CAMK1D: variants seen among roughly 807,000 people sequenced by gnomAD.
CAMK1D encodes calcium/calmodulin dependent protein kinase ID.
In CAMK1D, 9 loss-of-function variants were observed where a neutral mutation model predicts 47.7. That is an observed-to-expected ratio of 0.19 (90% CI 0.11 to 0.33). The LOEUF (loss-of-function observed/expected upper bound fraction) is 0.33, where lower values mean the gene tolerates loss of function less well. Ranked by LOEUF, CAMK1D falls within the 10% of genes least tolerant of loss-of-function variation. The pLI is 1.00. For missense variants in CAMK1D, 291 were observed against 488.7 expected, an observed-to-expected ratio of 0.60 and a Z score of 3.81; for synonymous variants, 184 against 184.9, an observed-to-expected ratio of 0.99 and a Z score of 0.04.
chr10:12,695,983 C>T (rs1833279086), intron 3 of CAMK1D, among the ~76,000 whole-genome samples: 1 of 151,928 alleles, frequency 6.6e-6, no homozygotes, highest in Non-Finnish European at 1.5e-5. Flanking sequence ...GAGGCTGAGG[C>T]AGGAGAATCG....
At chr10:12,370,174 TCCTGTTG>T (rs1475665433) in intron 1 of CAMK1D, among the ~76,000 whole-genome samples, 3 of 152,112 alleles carry the variant, frequency 2.0e-5, no homozygotes, top group Non-Finnish European at 4.4e-5. Flanking sequence ...GCGGAAGCAT[TCCTGTTG>T]CCTCGTTGTC....
intron 1 of CAMK1D, among the ~76,000 whole-genome samples, chr10:12,534,198 C>G (rs554958294): frequency 2.2e-4 from 33 of 152,280 alleles, no homozygotes; most frequent in African/African-American, 6.3e-4. Context: ...GTCTATCTAT[C>G]TATCTGTCTA....
At chr10:12,787,985 A>T (rs1837808076) in intron 5 of CAMK1D, among the ~76,000 whole-genome samples, 1 of 152,160 alleles carries the variant, frequency 6.6e-6, no homozygotes, top group South Asian at 2.1e-4. Flanking sequence ...CAAAAAAAAA[A>T]TTATGTTTTG....
chr10:12,589,957 C>G (rs981920620), intron 2 of CAMK1D, among the ~76,000 whole-genome samples: 2 of 152,098 alleles, frequency 1.3e-5, no homozygotes, highest in African/African-American at 4.8e-5. Context: ...ACCTCAGAGC[C>G]AAGGGGAAAG....
chr10:12,635,475 C>T (rs1457817105), intron 2 of CAMK1D, among the ~76,000 whole-genome samples: 8 of 152,100 alleles, frequency 5.3e-5, no homozygotes, highest in South Asian at 4.1e-4. Flanking sequence ...CCTAAGCCCA[C>T]GGCGCAGTGC....
chr10:12,425,571 C>T (rs918261542), intron 1 of CAMK1D, among the ~76,000 whole-genome samples: 1 of 152,146 alleles, frequency 6.6e-6, no homozygotes, highest in African/African-American at 2.4e-5. Flanking sequence ...CGTGAGCCAC[C>T]GCCCTCAGCC....
chr10:12,712,428 C>T (rs780812743), intron 3 of CAMK1D, among the ~76,000 whole-genome samples: 14 of 152,184 alleles, frequency 9.2e-5, no homozygotes, highest in Non-Finnish European at 1.5e-4. Context: ...TACAACAGAA[C>T]GCTGTAGACT....
chr10:12,623,041 T>C (rs1839047018), intron 2 of CAMK1D, among the ~76,000 whole-genome samples: 1 of 103,826 alleles, frequency 9.6e-6, no homozygotes, highest in Non-Finnish European at 1.9e-5. Flanking sequence ...CCCTTCGCCC[T>C]TCCCTCCCTC....
chr10:12,813,112 A>G (rs1343933156), intron 6 of CAMK1D, among the ~76,000 whole-genome samples: 2 of 152,224 alleles, frequency 1.3e-5, no homozygotes, highest in South Asian at 2.1e-4. Flanking sequence ...ACTCTAAATT[A>G]TAAGTCACTT....
intron 2 of CAMK1D, among the ~76,000 whole-genome samples, chr10:12,587,061 G>A (rs1415077961): frequency 1.3e-5 from 2 of 152,230 alleles, no homozygotes; most frequent in South Asian, 2.1e-4. Flanking sequence ...CCCATTAGCG[G>A]TTTTGACTTA....
At chr10:12,547,680 T>TCCA (rs1162700028) in intron 1 of CAMK1D, among the ~76,000 whole-genome samples, 1 of 40,224 alleles carries the variant, frequency 2.5e-5, no homozygotes, top group Non-Finnish European at 5.9e-5. Context: ...TCTTTCTCTC[T>TCCA]CTCACACACA....
chr10:12,623,971 C>T (rs537830700), intron 2 of CAMK1D, among the ~76,000 whole-genome samples: 20 of 152,074 alleles, frequency 1.3e-4, no homozygotes, highest in African/African-American at 3.1e-4. Flanking sequence ...CCCAGCTATT[C>T]GGGAGGCTGA....
At chr10:12,448,137 A>G (rs962694411) in intron 1 of CAMK1D, among the ~76,000 whole-genome samples, 2 of 152,072 alleles carry the variant, frequency 1.3e-5, no homozygotes, top group Non-Finnish European at 2.9e-5. Context: ...TACAGGCATG[A>G]GCCACGACTC....
chr10:12,736,639 C>T (rs1328286044), intron 3 of CAMK1D, among the ~76,000 whole-genome samples: 2 of 152,120 alleles, frequency 1.3e-5, no homozygotes, highest in African/African-American at 2.4e-5. Flanking sequence ...GGTAGAAGTG[C>T]CTGCTGTATG....
At chr10:12,704,362 C>T (rs867353948) in intron 3 of CAMK1D, among the ~76,000 whole-genome samples, 3 of 152,100 alleles carry the variant, frequency 2.0e-5, no homozygotes, top group Middle Eastern at 3.4e-3. Context: ...TCATTATTAT[C>T]TTAGTTTTGT....
At chr10:12,525,549 C>T (rs11257865) in intron 1 of CAMK1D, among the ~76,000 whole-genome samples, 77,443 of 151,858 alleles carry the variant, frequency 0.51, 19,958 homozygotes, top group South Asian at 0.62. Flanking sequence ...TTCTGTGTTT[C>T]AAGTCTAAAA....
chr10:12,746,689 A>C (rs1258001066), intron 3 of CAMK1D, among the ~76,000 whole-genome samples: 1 of 152,078 alleles, frequency 6.6e-6, no homozygotes, highest in Non-Finnish European at 1.5e-5. Flanking sequence ...AGAGTTACTG[A>C]GGAAAGGAGC....
intron 2 of CAMK1D, among the ~76,000 whole-genome samples, chr10:12,610,029 C>T (rs1239185545): frequency 1.3e-5 from 2 of 152,150 alleles, no homozygotes; most frequent in Non-Finnish European, 2.9e-5. Context: ...TGCTGGTAAA[C>T]GTTTAACAAC....
rs1838386776 is a variant in CAMK1D, at chr10:12,383,002, G to C, written c.92+33092G>C. 2.0e-5 allele frequency among the ~76,000 whole-genome samples: 3 copies of C among 151,730 alleles called. No homozygotes were observed. The South Asian group carries it at 6.2e-4, about 31-fold the overall frequency. On this transcript the variant is annotated intron_variant, in intron 1 of 10. Transcript: ENST00000619168. Reference sequence around the variant, plus strand: ...TAACTTGTCTGAGGAAGCACAGCTAGTAATGGACAGATCTGGGATTTGAAG... The same window carrying C: ...TAACTTGTCTGAGGAAGCACAGCTACTAATGGACAGATCTGGGATTTGAAG...
Sources: allele counts gnomAD v4.1 joint callset (sites outside exome capture counted in the v4.1 genomes callset), GRCh38; gene constraint gnomAD v4.1.1; transcripts MANE v1.5; gene names NCBI Gene and HGNC (gene_info 2026-07-23, HGNC 2026-07-21).